Variants in ALMS1 observed in about 807,000 individuals in gnomAD.
ALMS1 encodes the protein centrosome-associated protein ALMS1.
In ALMS1, 271 loss-of-function variants were observed where a neutral mutation model predicts 352.2. The ratio of observed to expected loss-of-function variants is 0.77; its 90% confidence interval spans 0.70 to 0.85. ALMS1 has a LOEUF of 0.85. ALMS1 is among the 40% of genes least tolerant of loss of function. The pLI is 0.00. For missense variants in ALMS1, 5,445 were observed against 4,870.7 expected (o/e 1.12, Z -3.51); for synonymous variants, 1,865 against 1,761.2 (o/e 1.06, Z -1.48).
intron 10 of ALMS1, among the ~76,000 whole-genome samples, chr2:73,498,691 A>G (rs1464066532): frequency 6.6e-6 from 1 of 152,128 alleles, no homozygotes; most frequent in African/African-American, 2.4e-5. Context: ...TGCCTGGTTT[A>G]TTTCATTTAA....
rs543809451 is a variant in ALMS1, at chr2:73,405,082, C to T, written c.325-3540C>T. 1.9e-3 allele frequency among the ~76,000 whole-genome samples: 285 copies of T among 151,026 alleles called. 1 individual carries two copies. Among genetic ancestry groups the T allele is most frequent in the African/African-American group, 6.7e-3 (275 of 41,160 alleles). On this transcript the variant is annotated intron_variant, in intron 1 of 22. Transcript: ENST00000613296. ...AAGCACCACCATGTCCAGCTATTTTCGTTGTATTTTTAGTAGAGACAGGAT... is the reference window on the plus strand; with the variant it reads ...AAGCACCACCATGTCCAGCTATTTTTGTTGTATTTTTAGTAGAGACAGGAT...
chr2:73,501,529 A>G (rs1673218391), intron 10 of ALMS1, among the ~76,000 whole-genome samples: 1 of 152,074 alleles, frequency 6.6e-6, no homozygotes, highest in African/African-American at 2.4e-5. Context: ...TTTCCTAGGA[A>G]TATTCTAGCA....
chr2:73,560,387 A>G (rs1441477566), intron 15 of ALMS1, among the ~76,000 whole-genome samples: 1 of 152,194 alleles, frequency 6.6e-6, no homozygotes, highest in Non-Finnish European at 1.5e-5. Flanking sequence ...TCAAAAGAAA[A>G]AATAGCAAAT....
In ALMS1 at chr2:73,573,296, A is replaced by G. The variant is rs773358159; in HGVS notation, c.11419A>G (p.Lys3807Glu). Residue 3807 changes from lysine (K) to glutamate (E), a missense_variant, in exon 16 of 23, where the codon AAA becomes GAA. Physicochemically the swap from Lys to Glu is moderately conservative, Grantham distance 56. Transcript: ENST00000613296. Reference protein sequence around the residue: ...ERVCLSPRRIKLYSSITNQQR... With the variant: ...ERVCLSPRRIELYSSITNQQR... ...AGTATGCTTGTCACCCAGACGAATT[A>G]AATTATATAGCAGCATCACCAACCA... 6.2e-7 allele frequency: 1 copy of G among 1,614,108 alleles called. No homozygotes were observed. Among genetic ancestry groups the G allele is most frequent in the Non-Finnish European group, 8.5e-7 (1 of 1,179,998 alleles).
intron 13 of ALMS1, among the ~76,000 whole-genome samples, chr2:73,556,442 A>G (rs1031767197): frequency 6.6e-6 from 1 of 152,194 alleles, no homozygotes; most frequent in African/African-American, 2.4e-5. Context: ...TTAAAAGGCT[A>G]TAACTGCATG....
At chr2:73,425,139 A>G (rs751241859) in intron 5 of ALMS1, among the ~76,000 whole-genome samples, 3 of 152,150 alleles carry the variant, frequency 2.0e-5, no homozygotes, top group Non-Finnish European at 4.4e-5. Flanking sequence ...TTTGTTGGAA[A>G]GAAGAGGAAA....
chr2:73,602,310 C>A lies in ALMS1; in HGVS notation c.12240C>A (p.Phe4080Leu). Residue 4080 changes from phenylalanine to leucine, a missense_variant, in exon 20 of 23, where the codon TTC (phenylalanine) becomes TTA (leucine). Phe to Leu is a conservative substitution (Grantham distance 22). Coordinates refer to ENST00000613296, the MANE Select transcript of ALMS1 (RefSeq NM_001378454.1). ...TACAGACCGAGCGGGATGCACTATTCAACATTGACAGGGAACGGCAGGGCC... is the reference window on the plus strand; with the variant it reads ...TACAGACCGAGCGGGATGCACTATTAAACATTGACAGGGAACGGCAGGGCC... ...SMLQTERDALFNIDRERQGHQ... is the reference protein window; with the variant it reads ...SMLQTERDALLNIDRERQGHQ... 1.2e-6 allele frequency: 2 copies of A among 1,614,208 alleles called. No individual in the cohort carries two copies. Among genetic ancestry groups the A allele is most frequent in the South Asian group, 1.1e-5 (1 of 91,082 alleles).
At chr2:73,583,892 T>C (rs1675253206) in intron 16 of ALMS1, among the ~76,000 whole-genome samples, 1 of 152,222 alleles carries the variant, frequency 6.6e-6, no homozygotes, top group Non-Finnish European at 1.5e-5. Context: ...CCTCTGGTAA[T>C]ATGTTTTCAA....
In ALMS1 at chr2:73,601,201, C is replaced by A; in HGVS notation, c.11879C>A (p.Ser3960Tyr). The A allele has an allele frequency of 6.2e-7, 1 of 1,614,122 alleles. No individual in the cohort carries two copies. The highest frequency in any genetic ancestry group is 8.5e-7 in the Non-Finnish European group (1 of 1,180,018). ...TAAAAACTGTTTCCTGTAGGAGTTT[C>A]CTGGTTTGTTCCTGTGGAAAATGTG... ...KNKKNSHEGV[S>Y]WFVPVENVES... The change falls in exon 19 of 23, where the codon TCC becomes TAC. Residue 3960 changes from serine (S) to tyrosine (Y), a missense_variant. Physicochemically the swap from Ser to Tyr is moderately radical, Grantham distance 144. Transcript: ENST00000613296.
chr2:73,449,057 G>A lies in ALMS1; in HGVS notation c.2530G>A (p.Ala844Thr). 1 of 1,614,134 alleles carries A rather than the reference G, an allele frequency of 6.2e-7. No homozygotes were observed. Among genetic ancestry groups the A allele is most frequent in the Non-Finnish European group, 8.5e-7 (1 of 1,179,992 alleles). The change falls in exon 8 of 23, where the codon GCT (alanine) becomes ACT (threonine). Residue 844 changes from alanine to threonine, a missense_variant. By Grantham distance (58) the Ala-to-Thr change is moderately conservative. Transcript: ENST00000613296. ...ALKVSAVSGP[A>T]DGKTGTPAVT... The stretch of plus-strand genomic sequence containing the variant: ...GAAAGTTTCAGCTGTTTCTGGACCA[G>A]CTGACGGAAAGACTGGGACACCAGC...
At chr2:73,386,689 A>C (rs1339330910) in intron 1 of ALMS1, among the ~76,000 whole-genome samples, 1 of 152,020 alleles carries the variant, frequency 6.6e-6, no homozygotes, top group Non-Finnish European at 1.5e-5. Context: ...CTGGACCATC[A>C]TTTGTAGCAA....
Position 73,541,394 on chromosome 2 carries a change from G to A in ALMS1, c.9907+6445G>A, listed in dbSNP as rs576329608. ...AGCAGTGTGTAGAGGGAAATTTATAGCACTAAATGCCCACAAGAGAAAGCA... is the reference window on the plus strand; with the variant it reads ...AGCAGTGTGTAGAGGGAAATTTATAACACTAAATGCCCACAAGAGAAAGCA... On this transcript the variant is annotated intron_variant, in intron 12 of 22. Transcript: ENST00000613296. Among the ~76,000 whole-genome samples the A allele has an allele frequency of 3.9e-5, 6 of 152,296 alleles. No homozygotes were observed. The South Asian group carries it at 6.2e-4, about 16-fold the overall frequency.
intron 10 of ALMS1, among the ~76,000 whole-genome samples, chr2:73,503,353 G>A (rs527341394): frequency 6.6e-6 from 1 of 152,024 alleles, no homozygotes; most frequent in South Asian, 2.1e-4. Flanking sequence ...GCAGTGTTTG[G>A]TTTTTTGTTC....
intron 11 of ALMS1, among the ~76,000 whole-genome samples, chr2:73,534,041 T>C (rs969704933): frequency 6.6e-6 from 1 of 152,144 alleles, no homozygotes; most frequent in Non-Finnish European, 1.5e-5. Flanking sequence ...GGCTAAGAGT[T>C]GACTATATTT....
chr2:73,433,385 A>G (rs1572920383), intron 7 of ALMS1, among the ~76,000 whole-genome samples: 1 of 149,118 alleles, frequency 6.7e-6, no homozygotes, highest in Non-Finnish European at 1.5e-5. Flanking sequence ...AGAAGCCAGA[A>G]GAGTTGTTAT....
chr2:73,437,445 A>G (rs548493070), intron 7 of ALMS1, among the ~76,000 whole-genome samples: 10 of 152,288 alleles, frequency 6.6e-5, no homozygotes, highest in South Asian at 6.2e-4. Flanking sequence ...CTTCCACTCT[A>G]TAAGTGGGGA....
rs747120058 is a variant in ALMS1, at chr2:73,519,864, A to G, written c.9629A>G (p.Glu3210Gly). Reference sequence around the variant, plus strand: ...ACTCAGATAACAACAGAAAGTCCAGAAAAGACCCTATTTTCATCTGAGATT... The same window carrying G: ...ACTCAGATAACAACAGAAAGTCCAGGAAAGACCCTATTTTCATCTGAGATT... ...AVTQITTESPEKTLFSSEIFI... is the reference protein window; with the variant it reads ...AVTQITTESPGKTLFSSEIFI... The change falls in exon 11 of 23, where the codon GAA (glutamate) becomes GGA (glycine). Residue 3210 changes from glutamate to glycine, a missense_variant. Physicochemically the swap from Glu to Gly is moderately conservative, Grantham distance 98 (BLOSUM62 -2). Transcript: ENST00000613296. 1 of 1,614,102 alleles carries G rather than the reference A, an allele frequency of 6.2e-7. No homozygotes were observed. The highest frequency in any genetic ancestry group is 1.1e-5 in the South Asian group (1 of 91,082).
chr2:73,537,599 G>T (rs1197425870), intron 12 of ALMS1, among the ~76,000 whole-genome samples: 1 of 152,156 alleles, frequency 6.6e-6, no homozygotes, highest in African/African-American at 2.4e-5. Context: ...TATATAAAAA[G>T]AATATAGACT....
chr2:73,483,010 T>C (rs1329124897), intron 9 of ALMS1, among the ~76,000 whole-genome samples: 7 of 152,270 alleles, frequency 4.6e-5, no homozygotes, highest in Admixed American at 2.0e-4. Flanking sequence ...TTGTTGATCC[T>C]TTCAAAAAAC....
Sources: gnomAD v4.1 joint callset for allele counts (sites outside exome capture counted in the v4.1 genomes callset) on GRCh38, gnomAD v4.1.1 for gene constraint, MANE v1.5 for transcripts, NCBI Gene and HGNC (gene_info 2026-07-23, HGNC 2026-07-21) for gene names.